TYMS: variants seen among roughly 807,000 people sequenced by gnomAD.
TYMS encodes thymidylate synthase.
In TYMS, 21 loss-of-function variants were observed where a neutral mutation model predicts 39.3. That is an observed-to-expected ratio of 0.54 (90% CI 0.38 to 0.77). The LOEUF (loss-of-function observed/expected upper bound fraction) is 0.77, where lower values mean the gene tolerates loss of function less well. Among genes scored for constraint, TYMS ranks in the 30% least tolerant of loss-of-function variants. TYMS has a pLI of 0.00. For missense variants in TYMS, 273 were observed against 406.7 expected, an observed-to-expected ratio of 0.67 and a Z score of 2.83; for synonymous variants, 171 against 162.2, an observed-to-expected ratio of 1.05 and a Z score of -0.41.
At chr18:662,533 C>CT (rs1205136309) in intron 3 of TYMS, among the ~76,000 whole-genome samples, 1 of 129,200 alleles carries the variant, frequency 7.7e-6, no homozygotes, top group Admixed American at 8.0e-5. Context: ...AATTATTATA[C>CT]TTTAAGTTTT....
intron 1 of TYMS, 136 bp from the exon 2 acceptor site, chr18:659,505 T>C (rs925933113): frequency 2.8e-6 from 2 of 723,334 alleles, no homozygotes; most frequent in Admixed American, 4.1e-5. Flanking sequence ...CCGTGATCTC[T>C]GGCCCACTTT....
In TYMS at chr18:670,932, G is replaced by C. The variant is rs185078319; in HGVS notation, c.732+65G>C. On this transcript the variant is annotated intron_variant, in intron 5 of 6. Transcript: ENST00000323274. Reference sequence around the variant, plus strand: ...ACTGAGCTCTTCAGTTCTTTAATATGGGAAAACAAATTGCAGAGTTTAGTC... The same window carrying C: ...ACTGAGCTCTTCAGTTCTTTAATATCGGAAAACAAATTGCAGAGTTTAGTC... The C allele has an allele frequency of 1.8e-4, 275 of 1,554,066 alleles. No homozygotes were observed. The African/African-American group carries it at 3.0e-3, about 17-fold the overall frequency.
intron 1 of TYMS, among the ~76,000 whole-genome samples, chr18:659,149 A>G (rs4987089): frequency 0.022 from 3,369 of 152,300 alleles, 133 homozygotes; most frequent in African/African-American, 0.078. Flanking sequence ...GTGCTTGCAA[A>G]AATCTCTCTG....
At chr18:661,061 C>T (rs1282086314) in intron 2 of TYMS, among the ~76,000 whole-genome samples, 1 of 152,160 alleles carries the variant, frequency 6.6e-6, no homozygotes, top group Non-Finnish European at 1.5e-5. Flanking sequence ...CTTAAACTGG[C>T]TAGAGCCTGG....
intron 2 of TYMS, among the ~76,000 whole-genome samples, chr18:661,546 G>A (rs2074755598): frequency 6.6e-6 from 1 of 152,186 alleles, no homozygotes; most frequent in African/African-American, 2.4e-5. Flanking sequence ...TCAGATCGGT[G>A]GAATACTTAA....
chr18:669,582 G>C, intron 4 of TYMS: 1 of 170,560 alleles, frequency 5.9e-6, no homozygotes. Context: ...ATGTTGGTCA[G>C]GCTGGTCTTG....
chr18:669,092 G>T lies in TYMS; in HGVS notation c.475G>T (p.Asp159Tyr). Residue 159 changes from aspartate to tyrosine, a missense_variant, in exon 4 of 7, where the codon GAC (aspartate) becomes TAC (tyrosine). Physicochemically the swap from Asp to Tyr is radical, Grantham distance 160 (BLOSUM62 -3). Coordinates refer to ENST00000323274, the MANE Select transcript of TYMS (RefSeq NM_001071.4). ...TACAGATTATTCAGGACAGGGAGTT[G>T]ACCAACTGCAAAGAGTGATTGACAC... Reference protein sequence around the residue: ...MESDYSGQGVDQLQRVIDTIK... With the variant: ...MESDYSGQGVYQLQRVIDTIK... 6.2e-7 allele frequency: 1 copy of T among 1,614,138 alleles called. No homozygotes were observed. Among genetic ancestry groups the T allele is most frequent in the South Asian group, 1.1e-5 (1 of 91,074 alleles).
At chr18:670,064 GAC>G (rs1567993312) in intron 4 of TYMS, among the ~76,000 whole-genome samples, 1 of 140,064 alleles carries the variant, frequency 7.1e-6, no homozygotes, top group African/African-American at 2.7e-5. Flanking sequence ...TTTTTTTTGA[GAC>G]ACAGTCTCAC....
intron 3 of TYMS, 62 bp from the exon 4 acceptor site, chr18:669,010 G>A: frequency 7.1e-7 from 1 of 1,400,162 alleles, no homozygotes; most frequent in Non-Finnish European, 1.0e-6. Context: ...GACCTCTAAG[G>A]CCATCTCATG....
chr18:658,061 T>C lies in TYMS; in HGVS notation c.205+114T>C. 3 of 1,572,532 alleles carry C rather than the reference T, an allele frequency of 1.9e-6. No individual in the cohort carries two copies. Among genetic ancestry groups the C allele is most frequent in the Non-Finnish European group, 2.6e-6 (3 of 1,161,758 alleles). On this transcript the variant is annotated intron_variant, in intron 1 of 6. Transcript: ENST00000323274. The surrounding 1 kb of genome is among the most constrained non-coding windows in gnomAD (Gnocchi z 4.5). ...CCCCGTTTAGTCCTAACCTCAATCC[T>C]GCGAGGGAGGGGACGCATCGTCCTC...
In TYMS at chr18:657,771, G is replaced by A. The variant is rs985633324; in HGVS notation, c.29G>A (p.Arg10His). 13 of 1,434,096 alleles carry A rather than the reference G, an allele frequency of 9.1e-6. No individual in the cohort carries two copies. In the African/African-American group the frequency reaches 2.0e-4, roughly 22 times the overall value. The allele number at this position is 1,434,096 out of a possible 1,614,324, so 88.8% of individuals were successfully genotyped here. A position where few individuals can be genotyped will look rare whatever the true frequency, so the allele number is the denominator to read the frequency against. Residue 10 changes from arginine to histidine, a missense_variant, in exon 1 of 7, where the codon CGC becomes CAC. Coordinates refer to ENST00000323274, the MANE Select transcript of TYMS (RefSeq NM_001071.4). MPVAGSELP[R>H]RPLPPAAQER... The stretch of plus-strand genomic sequence containing the variant: ...CCTGTGGCCGGCTCGGAGCTGCCGC[G>A]CCGGCCCTTGCCCCCCGCCGCACAG...
Position 666,951 on chromosome 18 carries a change from TGATGGA to T in TYMS, c.455-2109_455-2104del, listed in dbSNP as rs1244821106. 3.3e-3 allele frequency among the ~76,000 whole-genome samples: 70 copies of T among 21,312 alleles called. 7 individuals carry two copies. Among genetic ancestry groups the T allele is most frequent in the African/African-American group, 4.9e-3 (24 of 4,920 alleles). The allele number at this position is 21,312 out of a possible 152,430, so 14.0% of individuals were successfully genotyped here. On this transcript the variant is annotated intron_variant, in intron 3 of 6. Transcript: ENST00000323274. ...GTGATGGTGATGGAGATGGTGATGG[TGATGGA>T]GATGGAGATGGTGATGGAGATGGAG...
chr18:658,474 C>T lies in TYMS; in HGVS notation c.205+527C>T. 2.1e-6 allele frequency: 1 copy of T among 473,552 alleles called. No individual in the cohort carries two copies. Among genetic ancestry groups the T allele is most frequent in the Non-Finnish European group, 3.4e-6 (1 of 291,702 alleles). 29.3% of individuals were successfully genotyped at this position (473,552 alleles called of 1,614,324 possible). ...GGAACTTGGTTTCCTGGTGGCCTCC[C>T]ATCCAATCCCCACGAACCAGCTTTC... On this transcript the variant is annotated intron_variant, in intron 1 of 6. Transcript: ENST00000323274. This position sits in a 1 kb window ranked among gnomAD's most constrained non-coding sequence, Gnocchi z 4.5.
Position 669,178 on chromosome 18 carries a change from A to C in TYMS, c.556+5A>C, listed in dbSNP as rs1567992315. 6.8e-6 allele frequency: 11 copies of C among 1,613,304 alleles called. No individual in the cohort carries two copies. The highest frequency in any genetic ancestry group is 1.3e-5 in the African/African-American group (1 of 74,906). On this transcript the variant is annotated splice_donor_5th_base_variant and intron_variant, in intron 4 of 6. Transcript: ENST00000323274. The stretch of plus-strand genomic sequence containing the variant: ...TGTGCGCTTGGAATCCAAGAGGTTG[A>C]AAGAACCCCGTCGTCTTCATTTATA...
At chr18:661,853 C>G (rs559297265) in intron 2 of TYMS, among the ~76,000 whole-genome samples, 2 of 152,210 alleles carry the variant, frequency 1.3e-5, no homozygotes, top group Non-Finnish European at 2.9e-5. Flanking sequence ...GGTGTAGTGG[C>G]GCATGCCTGT....
Position 658,477 on chromosome 18 carries a change from C to G in TYMS, c.205+530C>G. 3 of 449,624 alleles carry G rather than the reference C, an allele frequency of 6.7e-6. No homozygotes were observed. The highest frequency in any genetic ancestry group is 1.1e-5 in the Non-Finnish European group (3 of 270,234). The allele number at this position is 449,624 out of a possible 1,614,324, so 27.9% of individuals were successfully genotyped here. A position where few individuals can be genotyped will look rare whatever the true frequency, so the allele number is the denominator to read the frequency against. On this transcript the variant is annotated intron_variant, in intron 1 of 6. Coordinates refer to ENST00000323274, the MANE Select transcript of TYMS (RefSeq NM_001071.4). The surrounding 1 kb of genome is among the most constrained non-coding windows in gnomAD (Gnocchi z 4.5). ...ACTTGGTTTCCTGGTGGCCTCCCAT[C>G]CAATCCCCACGAACCAGCTTTCCTC...
intron 6 of TYMS, 89 bp downstream of exon 6, chr18:671,540 C>T (rs2075050596): frequency 3.4e-6 from 3 of 875,366 alleles, no homozygotes; most frequent in Non-Finnish European, 5.7e-6. Flanking sequence ...ATGCTGTGTC[C>T]AAGATAAAGA....
At chr18:670,095 G>A (rs577851630) in intron 4 of TYMS, among the ~76,000 whole-genome samples, 1 of 150,690 alleles carries the variant, frequency 6.6e-6, no homozygotes, top group East Asian at 2.0e-4. Flanking sequence ...CCAGGCTGGA[G>A]TGCAGTGGTG....
rs2853533 is a variant in TYMS at position 658,064 on chromosome 18, G to C, written c.205+117G>C. ...CGTTTAGTCCTAACCTCAATCCTGC[G>C]AGGGAGGGGACGCATCGTCCTCCTC... On this transcript the variant is annotated intron_variant, in intron 1 of 6. Transcript: ENST00000323274. The surrounding 1 kb of genome is among the most constrained non-coding windows in gnomAD (Gnocchi z 4.5). The C allele has an allele frequency of 0.17, 267,002 of 1,571,972 alleles. 29,465 individuals carry two copies. The highest frequency in any genetic ancestry group is 0.52 in the East Asian group (22,045 of 42,348).
Sources: gnomAD v4.1 joint callset for allele counts (sites outside exome capture counted in the v4.1 genomes callset) on GRCh38, gnomAD v4.1.1 for gene constraint, Gnocchi (gnomAD v3.1) non-coding constraint, MANE v1.5 for transcripts, NCBI Gene and HGNC (gene_info 2026-07-23, HGNC 2026-07-21) for gene names.